Variants in CAPN13 observed in about 807,000 individuals in gnomAD.
CAPN13 encodes calpain 13.
Under a neutral mutation model 98.4 loss-of-function variants are expected in CAPN13, and 90 were observed. The ratio of observed to expected loss-of-function variants is 0.92; its 90% CI spans 0.77 to 1.09. CAPN13 has a LOEUF of 1.09. Ranked by LOEUF, CAPN13 falls within the 50% of genes least tolerant of loss-of-function variation. CAPN13 has a pLI of 0.00. For missense variants in CAPN13, 887 were observed against 841.3 expected (o/e 1.05, Z -0.67); for synonymous variants, 330 against 305.5 (o/e 1.08, Z -0.84).
At chr2:30,740,388 C>T (rs1022886001) in intron 15 of CAPN13, among the ~76,000 whole-genome samples, 4 of 152,172 alleles carry the variant, frequency 2.6e-5, no homozygotes, top group African/African-American at 9.6e-5. Flanking sequence ...CTACCGTGCC[C>T]GGCAACCATT....
chr2:30,755,478 T>C (rs541203000), intron 8 of CAPN13, among the ~76,000 whole-genome samples: 1 of 152,296 alleles, frequency 6.6e-6, no homozygotes, highest in South Asian at 2.1e-4. Flanking sequence ...ATTTTTTGTT[T>C]GCTTAATTAA....
chr2:30,772,595 C>A (rs1030359386), intron 4 of CAPN13, among the ~76,000 whole-genome samples: 1 of 152,152 alleles, frequency 6.6e-6, no homozygotes, highest in Non-Finnish European at 1.5e-5. Context: ...GGTCCTTGAA[C>A]CAGCAGCACT....
intron 15 of CAPN13, 125 bp from the exon 16 acceptor site, chr2:30,738,582 C>T: frequency 2.9e-6 from 3 of 1,026,760 alleles, no homozygotes; most frequent in Non-Finnish European, 4.4e-6. Flanking sequence ...CCCATCTTGC[C>T]CTCGTCATGA....
chr2:30,803,294 G>A (rs1432474456), intron 1 of CAPN13, among the ~76,000 whole-genome samples: 1 of 152,202 alleles, frequency 6.6e-6, no homozygotes, highest in Non-Finnish European at 1.5e-5. Context: ...GCCACTGGGT[G>A]CATCTCCCGA....
At chr2:30,777,400 T>A (rs1210124602) in intron 3 of CAPN13, among the ~76,000 whole-genome samples, 167 bp downstream of exon 3, 1 of 152,248 alleles carries the variant, frequency 6.6e-6, no homozygotes, top group African/African-American at 2.4e-5. Context: ...CCTGTCTCCT[T>A]TTCCCCTGCT....
intron 12 of CAPN13, among the ~76,000 whole-genome samples, chr2:30,744,937 C>T (rs1236025037): frequency 6.6e-6 from 1 of 152,222 alleles, no homozygotes; most frequent in Non-Finnish European, 1.5e-5. Flanking sequence ...CATCCCAACC[C>T]TCCACTTCAT....
chr2:30,803,551 T>C (rs536196648), intron 1 of CAPN13, among the ~76,000 whole-genome samples: 1 of 152,248 alleles, frequency 6.6e-6, no homozygotes, highest in African/African-American at 2.4e-5. Context: ...AAAGGTCCCT[T>C]GGGACTTACT....
At chr2:30,787,476 T>C in intron 1 of CAPN13, 119 bp from the exon 2 acceptor site, 1 of 694,352 alleles carries the variant, frequency 1.4e-6, no homozygotes, top group Non-Finnish European at 2.3e-6. Context: ...AGACTAAGTC[T>C]GCACTGTCCC....
intron 9 of CAPN13, among the ~76,000 whole-genome samples, chr2:30,754,008 G>A (rs1572820338): frequency 1.3e-5 from 2 of 152,124 alleles, no homozygotes; most frequent in East Asian, 1.9e-4. Flanking sequence ...TAGCTTCCAG[G>A]AAACCACAGA....
In CAPN13 at chr2:30,734,531, G is replaced by A. The variant is rs778052523; in HGVS notation, c.1723-7C>T. The A allele has an allele frequency of 6.8e-5, 109 of 1,611,674 alleles. No homozygotes were observed. Among genetic ancestry groups the A allele is most frequent in the Non-Finnish European group, 8.7e-5 (102 of 1,177,972 alleles). On this transcript the variant is annotated splice_polypyrimidine_tract_variant and splice_region_variant and intron_variant, in intron 18 of 22. Coordinates refer to ENST00000295055, the MANE Select transcript of CAPN13 (RefSeq NM_144575.3). ...GAACCTTCTGGAAAACATGCTAATAGGGGAAGAGAAGCAAGAAGTCTGTGT... is the reference window on the plus strand; with the variant it reads ...GAACCTTCTGGAAAACATGCTAATAAGGGAAGAGAAGCAAGAAGTCTGTGT...
chr2:30,765,395 C>T (rs1029212553), intron 5 of CAPN13, among the ~76,000 whole-genome samples: 3 of 152,190 alleles, frequency 2.0e-5, no homozygotes, highest in Non-Finnish European at 4.4e-5. Context: ...GGGACCTACA[C>T]GTTCCTGTCC....
chr2:30,736,404 T>A, intron 18 of CAPN13, 99 bp downstream of exon 18: 1 of 1,215,914 alleles, frequency 8.2e-7, no homozygotes, highest in Non-Finnish European at 1.2e-6. Flanking sequence ...GAGTTCCTCT[T>A]CTTTCATACC....
Position 30,805,309 on chromosome 2 carries a change from C to T in CAPN13, c.-33+1993G>A, listed in dbSNP as rs1675545784. On this transcript the variant is annotated intron_variant, in intron 1 of 22. Transcript: ENST00000295055. The stretch of plus-strand genomic sequence containing the variant: ...GAGGGGCCCTGCTTTGGCCAAGTGG[C>T]TGGTCATGTCTCTTTGTGAAGAGAG... Among the ~76,000 whole-genome samples, 8 of 152,294 alleles carry T rather than the reference C, an allele frequency of 5.3e-5. 1 individual carries two copies. The South Asian group carries it at 1.7e-3, about 32-fold the overall frequency.
At chr2:30,796,184 ACATATATATGTGTGTG>A (rs1674859428) in intron 1 of CAPN13, among the ~76,000 whole-genome samples, 1 of 142,868 alleles carries the variant, frequency 7.0e-6, no homozygotes, top group African/African-American at 2.8e-5. Context: ...ATATATATAT[ACATATATATGTGTGTG>A]TATATATATA....
At chr2:30,790,082 C>T (rs1674525653) in intron 1 of CAPN13, among the ~76,000 whole-genome samples, 1 of 152,232 alleles carries the variant, frequency 6.6e-6, no homozygotes, top group South Asian at 2.1e-4. Flanking sequence ...GTTCCCGCCT[C>T]CACACACATA....
At chr2:30,763,660 C>A (rs1384934150) in intron 6 of CAPN13, among the ~76,000 whole-genome samples, 2 of 152,200 alleles carry the variant, frequency 1.3e-5, no homozygotes, top group Non-Finnish European at 2.9e-5. Context: ...GGAGGGTCAC[C>A]CAAGCTTTTC....
intron 7 of CAPN13, among the ~76,000 whole-genome samples, chr2:30,759,292 G>A (rs1672698198): frequency 6.6e-6 from 1 of 150,780 alleles, no homozygotes; most frequent in Non-Finnish European, 1.5e-5. Context: ...ACTCATAGTC[G>A]TGCACTTCAG....
chr2:30,743,873 G>C, intron 12 of CAPN13: 3 of 496,750 alleles, frequency 6.0e-6, no homozygotes, highest in East Asian at 4.2e-5. Context: ...TATATAGAGA[G>C]AAAACTTCCA....
chr2:30,755,689 G>T (rs1289540390), intron 8 of CAPN13, among the ~76,000 whole-genome samples: 2 of 152,308 alleles, frequency 1.3e-5, no homozygotes, highest in East Asian at 1.9e-4. Flanking sequence ...TGCATGGGGA[G>T]CCTGGGTCCC....
Sources: gnomAD v4.1 joint callset for allele counts (sites outside exome capture counted in the v4.1 genomes callset) on GRCh38, gnomAD v4.1.1 for gene constraint, MANE v1.5 for transcripts, NCBI Gene and HGNC (gene_info 2026-07-23, HGNC 2026-07-21) for gene names.